Variants in ZNF426 observed in about 807,000 individuals in gnomAD.
ZNF426 encodes zinc finger protein 426, also known as CTC-543D15.7.
A neutral mutation model predicts 24.0 loss-of-function variants in ZNF426; 23 were observed. The ratio of observed to expected loss-of-function variants is 0.96; its 90% CI spans 0.69 to 1.36. ZNF426 has a LOEUF of 1.36. Among genes scored for constraint, ZNF426 ranks in the 40% most tolerant of loss-of-function variants. ZNF426 has a pLI of 0.00. For synonymous variants in ZNF426, 272 were observed against 224.6 expected (o/e 1.21, Z -1.89); for missense variants, 646 against 658.4 (o/e 0.98, Z 0.21).
At chr19:9,537,777 A>C (rs923108006) in intron 2 of ZNF426, among the ~76,000 whole-genome samples, 2 of 151,870 alleles carry the variant, frequency 1.3e-5, no homozygotes, top group Admixed American at 6.6e-5. Flanking sequence ...TAGTCTCCCA[A>C]ATAGCTGAGA....
At chr19:9,533,348 C>T (rs150091186) in intron 5 of ZNF426, among the ~76,000 whole-genome samples, 1,634 of 151,920 alleles carry the variant, frequency 0.011, 14 homozygotes, top group Non-Finnish European at 0.018. Flanking sequence ...CCCAGCTATT[C>T]GGGAGGCTGA....
rs201978637 is a variant in ZNF426, at chr19:9,527,990, C to CTTT, written c.*387_*389dup. 4.2e-5 allele frequency: 6 copies of CTTT among 141,356 alleles called. No individual in the cohort carries two copies. Among genetic ancestry groups the CTTT allele is most frequent in the South Asian group, 4.2e-4 (2 of 4,770 alleles). The allele number at this position is 141,356 out of a possible 1,614,324, so 8.8% of individuals were successfully genotyped here. On this transcript the variant is annotated 3_prime_UTR_variant, in exon 8 of 8. Coordinates refer to ENST00000253115, the MANE Select transcript of ZNF426 (RefSeq NM_024106.3). ...AGACTCAATTTAATCAAATAATTTTCTTTTTTTTTTTTTTTTGAGATGGAG... is the reference window on the plus strand; with the variant it reads ...AGACTCAATTTAATCAAATAATTTTCTTTTTTTTTTTTTTTTTTTGAGATGGAG...
At chr19:9,533,301 A>C (rs868052037) in intron 5 of ZNF426, among the ~76,000 whole-genome samples, 5,326 of 152,118 alleles carry the variant, frequency 0.035, 334 homozygotes, top group African/African-American at 0.12. Flanking sequence ...CAAAAAAAAA[A>C]AAAAAATAGC....
At position 9,529,039 on chromosome 19, in the gene ZNF426, AG is replaced by A. The variant is rs2073839099; in HGVS notation, c.1005del (p.Tyr336MetfsTer48). 1 of 1,613,560 alleles carries A rather than the reference AG, an allele frequency of 6.2e-7. No individual in the cohort carries two copies. The highest frequency in any genetic ancestry group is 8.5e-7 in the Non-Finnish European group (1 of 1,179,780). On this transcript the variant is annotated frameshift_variant, in exon 8 of 8. Transcript: ENST00000253115. LOFTEE classifies it low-confidence loss of function (END_TRUNC). Reference protein sequence around the residue: ...IHGRTHTGEKPYVCKECGKAF... With the variant: ...IHGRTHTGEKXYVCKECGKAF... ...GCTTTCCCACATTCCTTACATACAT[AG>A]GGTTTCTCTCCAGTGTGAGTTCTTC...
At chr19:9,535,635 G>A (rs983940947) in intron 3 of ZNF426, among the ~76,000 whole-genome samples, 1 of 151,896 alleles carries the variant, frequency 6.6e-6, no homozygotes, top group East Asian at 1.9e-4. Flanking sequence ...GACTACCCTG[G>A]ACAACACAGT....
Position 9,528,420 on chromosome 19 carries a change from C to A in ZNF426, c.1625G>T (p.Ser542Ile), listed in dbSNP as rs994993874. ...ATGTCTTCGAAGTGAACGGGGATGA[C>A]TGTAAGCTTTCCCGCATTGCTGACA... ...YKCQQCGKAY[S>I]HPRSLRRHEQ... The change falls in exon 8 of 8, where the codon AGT becomes ATT. Residue 542 changes from serine to isoleucine, a missense_variant. Ser to Ile is a moderately radical substitution (Grantham distance 142). Coordinates refer to ENST00000253115, the MANE Select transcript of ZNF426 (RefSeq NM_024106.3). 1 of 1,608,790 alleles carries A rather than the reference C, an allele frequency of 6.2e-7. No homozygotes were observed. Among genetic ancestry groups the A allele is most frequent in the Non-Finnish European group, 8.5e-7 (1 of 1,177,970 alleles).
chr19:9,535,096 A>T, intron 4 of ZNF426, 92 bp downstream of exon 4: 16 of 864,100 alleles, frequency 1.9e-5, no homozygotes, highest in East Asian at 3.0e-5. Context: ...AAAAAAAAAA[A>T]GAAGTCTGGA....
intron 7 of ZNF426, 21 bp downstream of exon 7, chr19:9,530,964 A>C (rs2073874169): frequency 6.3e-7 from 1 of 1,591,994 alleles, no homozygotes; most frequent in African/African-American, 1.3e-5. Context: ...GAAAATAAAA[A>C]ATATCCTATG....
At position 9,528,897 on chromosome 19, in the gene ZNF426, A is replaced by C; in HGVS notation, c.1148T>G (p.Ile383Arg). Residue 383 changes from isoleucine (I) to arginine (R), a missense_variant, in exon 8 of 8, where the codon ATA (isoleucine) becomes AGA (arginine). Coordinates refer to ENST00000253115, the MANE Select transcript of ZNF426 (RefSeq NM_024106.3). ...FLTSSRLIQH[I>R]RTHTGEKPFV... The stretch of plus-strand genomic sequence containing the variant: ...AGGCTTCTCTCCAGTGTGAGTTCTT[A>C]TATGTTGAATAAGGCGTGAGGATGT... 5.6e-6 allele frequency: 9 copies of C among 1,613,892 alleles called. No individual in the cohort carries two copies. The highest frequency in any genetic ancestry group is 7.6e-6 in the Non-Finnish European group (9 of 1,179,946).
chr19:9,529,527 G>A lies in ZNF426; in HGVS notation c.518C>T (p.Thr173Ile), dbSNP rs143897705. Reference sequence around the variant, plus strand: ...TTTTCCATACTGATTACAGTCATGAGTGTTCCCTGTACTTTGAGTTCTCAC... The same window carrying A: ...TTTTCCATACTGATTACAGTCATGAATGTTCCCTGTACTTTGAGTTCTCAC... ...THVRTQSTGN[T>I]HDCNQYGKDF... is the part of the protein sequence containing the mutation. The change falls in exon 8 of 8, where the codon ACT becomes ATT. Residue 173 changes from threonine to isoleucine, a missense_variant. Thr to Ile is a moderately conservative substitution (Grantham distance 89). Transcript: ENST00000253115. 79 of 1,612,496 alleles carry A rather than the reference G, an allele frequency of 4.9e-5. No homozygotes were observed. In the African/African-American group the frequency reaches 9.6e-4, roughly 20 times the overall value.
Position 9,529,608 on chromosome 19 carries a change from CAG to C in ZNF426, c.435_436del (p.Cys146Ter). On this transcript the variant is annotated frameshift_variant, in exon 8 of 8. Coordinates refer to ENST00000253115, the MANE Select transcript of ZNF426 (RefSeq NM_024106.3). LOFTEE classifies it low-confidence loss of function (END_TRUNC). ...GACTTCTCCACATTGCTCACAGTCA[CAG>C]AGTTCCCTTCCATTGTGTTTTCCTT... The C allele has an allele frequency of 3.8e-6, 6 of 1,598,814 alleles. No individual in the cohort carries two copies. Among genetic ancestry groups the C allele is most frequent in the Non-Finnish European group, 5.1e-6 (6 of 1,178,068 alleles).
chr19:9,533,465 A>G (rs2073918462), intron 5 of ZNF426, among the ~76,000 whole-genome samples: 1 of 152,170 alleles, frequency 6.6e-6, no homozygotes, highest in Non-Finnish European at 1.5e-5. Flanking sequence ...AAACAAGAAC[A>G]ACAACAAATA....
At position 9,532,922 on chromosome 19, in the gene ZNF426, C is replaced by T. The variant is rs748805058; in HGVS notation, c.248G>A (p.Gly83Asp). The T allele has an allele frequency of 2.0e-5, 33 of 1,613,138 alleles. No individual in the cohort carries two copies. The highest frequency in any genetic ancestry group is 1.6e-4 in the Middle Eastern group (1 of 6,080). The change falls in exon 6 of 8, where the codon GGT becomes GAT. Residue 83 changes from glycine to aspartate, a missense_variant. Transcript: ENST00000253115. Reference sequence around the variant, plus strand: ...GATTAGACTGGGTTTGATGATCTGACCTCCTGAGCACAGAGAAATACATTA... The same window carrying T: ...GATTAGACTGGGTTTGATGATCTGATCTCCTGAGCACAGAGAAATACATTA... ...ENYKNLATVG[G>D]QIIKPSLISW...
At chr19:9,538,521 T>C (rs2074002902) in intron 1 of ZNF426, 54 bp downstream of exon 1, 1 of 152,130 alleles carries the variant, frequency 6.6e-6, no homozygotes, top group African/African-American at 2.4e-5. Context: ...CTCTCTAACG[T>C]CCGGGCCAAA....
intron 7 of ZNF426, 78 bp downstream of exon 7, chr19:9,530,907 T>C (rs908625375): frequency 9.3e-6 from 11 of 1,185,676 alleles, no homozygotes; most frequent in Admixed American, 5.3e-5. Context: ...ATATCTCTTA[T>C]TTTTGCTGAC....
rs745649856 is a variant in ZNF426 at position 9,528,424 on chromosome 19, A to T, written c.1621T>A (p.Tyr541Asn). ...CTTCGAAGTGAACGGGGATGACTGT[A>T]AGCTTTCCCGCATTGCTGACATTTA... ...PYKCQQCGKA[Y>N]SHPRSLRRHE... Residue 541 changes from tyrosine (Y) to asparagine (N), a missense_variant, in exon 8 of 8, where the codon TAC (tyrosine) becomes AAC (asparagine). Tyr to Asn is a moderately radical substitution (Grantham distance 143). Transcript: ENST00000253115. 6.2e-7 allele frequency: 1 copy of T among 1,609,706 alleles called. No individual in the cohort carries two copies. The highest frequency in any genetic ancestry group is 1.7e-5 in the Admixed American group (1 of 59,076).
Position 9,529,530 on chromosome 19 carries a change from T to C in ZNF426, c.515A>G (p.Asn172Ser). The C allele has an allele frequency of 6.2e-7, 1 of 1,612,506 alleles. No individual in the cohort carries two copies. The highest frequency in any genetic ancestry group is 8.5e-7 in the Non-Finnish European group (1 of 1,180,018). ...KTHVRTQSTG[N>S]THDCNQYGKD... ...TCCATACTGATTACAGTCATGAGTG[T>C]TCCCTGTACTTTGAGTTCTCACGTG... is the stretch of plus-strand genomic sequence containing the variant. Residue 172 changes from asparagine (N) to serine (S), a missense_variant, in exon 8 of 8, where the codon AAC becomes AGC. By Grantham distance (46) the Asn-to-Ser change is conservative. Coordinates refer to ENST00000253115, the MANE Select transcript of ZNF426 (RefSeq NM_024106.3).
At chr19:9,533,195 C>T (rs1033819945) in intron 5 of ZNF426, among the ~76,000 whole-genome samples, 1 of 152,036 alleles carries the variant, frequency 6.6e-6, no homozygotes, top group Non-Finnish European at 1.5e-5. Flanking sequence ...CCTGTAATCC[C>T]AGCACTTTGG....
chr19:9,524,017 C>T lies in ZNF426; in HGVS notation c.*4363G>A, dbSNP rs2073767171. The T allele has an allele frequency of 6.6e-6, 1 of 152,358 alleles. No homozygotes were observed. Among genetic ancestry groups the T allele is most frequent in the Non-Finnish European group, 1.5e-5 (1 of 68,042 alleles). The allele number at this position is 152,358 out of a possible 1,614,324, so 9.4% of individuals were successfully genotyped here. A position where few individuals can be genotyped will look rare whatever the true frequency, so the allele number is the denominator to read the frequency against. On this transcript the variant is annotated 3_prime_UTR_variant, in exon 8 of 8. Coordinates refer to ENST00000253115, the MANE Select transcript of ZNF426 (RefSeq NM_024106.3). ...AACATAAAAGGGTTTTCCCACAATCCTTGAATTCATAGTTTCTCTCCAGTT... is the reference window on the plus strand; with the variant it reads ...AACATAAAAGGGTTTTCCCACAATCTTTGAATTCATAGTTTCTCTCCAGTT...
Sources: allele counts gnomAD v4.1 joint callset (sites outside exome capture counted in the v4.1 genomes callset), GRCh38; gene constraint gnomAD v4.1.1; transcripts MANE v1.5; gene names NCBI Gene and HGNC (gene_info 2026-07-23, HGNC 2026-07-21).